MCF2L2: variants seen among roughly 807,000 people sequenced by gnomAD.
The protein encoded by MCF2L2 is MCF.2 cell line derived transforming sequence-like 2, also known as probable guanine nucleotide exchange factor MCF2L2.
MCF2L2 carries 102 observed loss-of-function variants against 150.2 expected under a neutral mutation model. The observed-to-expected ratio is 0.68, with a 90% CI of 0.58 to 0.80. The LOEUF is 0.80. Among genes scored for constraint, MCF2L2 ranks in the 30% least tolerant of loss-of-function variants. The pLI, the probability that MCF2L2 is intolerant of heterozygous loss-of-function variation, is 0.00. For synonymous variants in MCF2L2, 465 were observed against 491.3 expected (o/e 0.95, Z 0.71); for missense variants, 1,256 against 1,372.8 (o/e 0.91, Z 1.34).
At chr3:183,303,194 C>CAAAAAAAAAAAAAAAAAAAAAAAA (rs56742154) in intron 10 of MCF2L2, among the ~76,000 whole-genome samples, 1 of 123,948 alleles carries the variant, frequency 8.1e-6, no homozygotes, top group African/African-American at 3.2e-5. Flanking sequence ...ACTCTGTCTC[C>CAAAAAAAAAAAAAAAAAAAAAAAA]AAAAAAAAAA....
At chr3:183,333,610 GAT>G (rs781244323) in intron 5 of MCF2L2, among the ~76,000 whole-genome samples, 70 of 152,096 alleles carry the variant, frequency 4.6e-4, no homozygotes, top group Non-Finnish European at 8.2e-4. Flanking sequence ...GAACTTACTG[GAT>G]ACACTGTTCT....
rs535900008 is a variant in MCF2L2, at chr3:183,205,250, G to A, written c.2884+626C>T. Among the ~76,000 whole-genome samples, 6 of 152,178 alleles carry A rather than the reference G, an allele frequency of 3.9e-5. No individual in the cohort carries two copies. The East Asian group carries it at 7.7e-4, about 20-fold the overall frequency. ...ACAAATTAGCCAGGCGTGTTGGCGC[G>A]CCTGTAGTCCCAGCTATTCGGGAGG... On this transcript the variant is annotated intron_variant, in intron 25 of 29. Transcript: ENST00000328913.
intron 1 of MCF2L2, among the ~76,000 whole-genome samples, chr3:183,393,857 C>T (rs1450632939): frequency 6.6e-6 from 1 of 152,214 alleles, no homozygotes; most frequent in Non-Finnish European, 1.5e-5. Context: ...CTCCTTACAA[C>T]AGAGGGCAGG....
In MCF2L2 at chr3:183,197,917, A is replaced by C. The variant is rs919818989; in HGVS notation, c.2885-2662T>G. ...CCCCTATTAGAAATCTGAAAATTTAAAAGACTGACAATACCAAGTATTGGT... is the reference window on the plus strand; with the variant it reads ...CCCCTATTAGAAATCTGAAAATTTACAAGACTGACAATACCAAGTATTGGT... On this transcript the variant is annotated intron_variant, in intron 25 of 29. Transcript: ENST00000328913. This position sits in a 1 kb window ranked among gnomAD's most constrained non-coding sequence, Gnocchi z 4.5. Among the ~76,000 whole-genome samples the C allele has an allele frequency of 3.9e-5, 6 of 152,254 alleles. No individual in the cohort carries two copies. The South Asian group carries it at 1.0e-3, about 26-fold the overall frequency.
intron 1 of MCF2L2, among the ~76,000 whole-genome samples, chr3:183,413,318 T>G (rs1449093835): frequency 2.6e-5 from 4 of 152,218 alleles, no homozygotes; most frequent in Non-Finnish European, 5.9e-5. Flanking sequence ...GTATGTTATA[T>G]GTATTATAAA....
chr3:183,238,504 A>G (rs550138617), intron 15 of MCF2L2, among the ~76,000 whole-genome samples: 61 of 151,556 alleles, frequency 4.0e-4, no homozygotes, highest in South Asian at 1.0e-3. Context: ...CATGTTGGCC[A>G]GGATGGTCTT....
At chr3:183,183,252 C>T (rs1293289428) in intron 27 of MCF2L2, among the ~76,000 whole-genome samples, 5 of 152,238 alleles carry the variant, frequency 3.3e-5, no homozygotes, top group East Asian at 3.8e-4. Flanking sequence ...CCACCTCAGC[C>T]TCCCACAGTG....
At chr3:183,306,388 C>T (rs1322027817) in intron 10 of MCF2L2, among the ~76,000 whole-genome samples, 4 of 152,206 alleles carry the variant, frequency 2.6e-5, no homozygotes, top group African/African-American at 7.2e-5. Context: ...ACAAGCCCAT[C>T]TGGGATCTTT....
intron 1 of MCF2L2, among the ~76,000 whole-genome samples, chr3:183,426,878 T>A (rs1236565980): frequency 6.6e-6 from 1 of 152,238 alleles, no homozygotes; most frequent in Admixed American, 6.5e-5. Context: ...CTTTACAAAG[T>A]ATGTCCTCAC....
chr3:183,313,541 G>T (rs116735552), intron 7 of MCF2L2, among the ~76,000 whole-genome samples: 2 of 152,186 alleles, frequency 1.3e-5, no homozygotes, highest in African/African-American at 2.4e-5. Flanking sequence ...CTTGAGTAGG[G>T]TTACAAAAAT....
chr3:183,195,828 C>T (rs189167538), intron 25 of MCF2L2, among the ~76,000 whole-genome samples: 20 of 152,314 alleles, frequency 1.3e-4, no homozygotes, highest in Admixed American at 5.2e-4. Flanking sequence ...AGGCTCAGAT[C>T]GTCACTGAAT....
chr3:183,419,984 G>A (rs1164449713), intron 1 of MCF2L2, among the ~76,000 whole-genome samples: 1 of 152,214 alleles, frequency 6.6e-6, no homozygotes, highest in East Asian at 1.9e-4. Context: ...GGGGCAAAAT[G>A]CCACCAGTTT....
rs1200688287 is a variant in MCF2L2, at chr3:183,428,198, C to A, written c.-221G>T. 11 of 524,208 alleles carry A rather than the reference C, an allele frequency of 2.1e-5. No homozygotes were observed. The highest frequency in any genetic ancestry group is 2.0e-4 in the South Asian group (8 of 40,650). The allele number at this position is 524,208 out of a possible 1,614,324, so 32.5% of individuals were successfully genotyped here. On this transcript the variant is annotated 5_prime_UTR_variant, in exon 1 of 30. Transcript: ENST00000328913. This position sits in a 1 kb window ranked among gnomAD's most constrained non-coding sequence, Gnocchi z 5.1. ...CAGACCAAGTCTGGCGCTTTCCCAG[C>A]GTCGCAGCTGGACCGAGAGAGGAGC...
rs140948947 is a variant in MCF2L2, at chr3:183,193,420, G to A, written c.2919-324C>T. On this transcript the variant is annotated intron_variant, in intron 26 of 29. Coordinates refer to ENST00000328913, the MANE Select transcript of MCF2L2 (RefSeq NM_015078.4). The stretch of plus-strand genomic sequence containing the variant: ...GGCTGGAGTGCAGTGGCGCAATCTT[G>A]GCTCACTGCAAGCTCTGCCACCTGG... Among the ~76,000 whole-genome samples the A allele has an allele frequency of 3.2e-3, 471 of 148,312 alleles. 1 individual carries two copies. The highest frequency in any genetic ancestry group is 0.01 in the African/African-American group (410 of 39,858).
At chr3:183,387,652 G>A (rs1002580510) in intron 2 of MCF2L2, among the ~76,000 whole-genome samples, 3 of 152,138 alleles carry the variant, frequency 2.0e-5, no homozygotes, top group African/African-American at 7.2e-5. Flanking sequence ...AAAATTACTG[G>A]CTGGGTGTGG....
At chr3:183,280,870 GCAAACAAA>G (rs201672775) in intron 14 of MCF2L2, among the ~76,000 whole-genome samples, 2 of 144,620 alleles carry the variant, frequency 1.4e-5, no homozygotes, top group African/African-American at 5.1e-5. Context: ...AAACAAACAA[GCAAACAAA>G]CAAACAAAAA....
chr3:183,233,973 G>A (rs1723685817), intron 15 of MCF2L2, among the ~76,000 whole-genome samples: 1 of 152,100 alleles, frequency 6.6e-6, no homozygotes, highest in Non-Finnish European at 1.5e-5. Flanking sequence ...ATGTACCACA[G>A]AGGATGTAAT....
chr3:183,285,965 G>A (rs1727767894), intron 14 of MCF2L2, among the ~76,000 whole-genome samples: 1 of 152,204 alleles, frequency 6.6e-6, no homozygotes, highest in Non-Finnish European at 1.5e-5. Context: ...ACAGGAAATA[G>A]TCACATCACT....
chr3:183,215,818 T>G (rs1271657353), intron 22 of MCF2L2, 151 bp downstream of exon 22: 1 of 816,522 alleles, frequency 1.2e-6, no homozygotes, highest in Non-Finnish European at 1.8e-6. Flanking sequence ...AATCTTGTAG[T>G]GCGGGTTTAC....
Sources: allele counts gnomAD v4.1 joint callset (sites outside exome capture counted in the v4.1 genomes callset), GRCh38; gene constraint gnomAD v4.1.1; non-coding constraint Gnocchi (gnomAD v3.1); transcripts MANE v1.5; gene names NCBI Gene and HGNC (gene_info 2026-07-23, HGNC 2026-07-21).